UGGT1: variants seen among roughly 807,000 people sequenced by gnomAD.
UGGT1 encodes UDP-glucose:glycoprotein glucosyltransferase 1.
Under a neutral mutation model 203.9 loss-of-function variants are expected in UGGT1, and 107 were observed. The observed-to-expected ratio is 0.52, with a 90% CI of 0.45 to 0.62. The LOEUF is 0.62. Among genes scored for constraint, UGGT1 ranks in the 20% least tolerant of loss-of-function variants. The pLI is 0.00. For missense variants in UGGT1, 1,673 were observed against 1,867.2 expected (o/e 0.90, Z 1.92); for synonymous variants, 628 against 653.5 (o/e 0.96, Z 0.59).
At chr2:128,115,333 C>G (rs1688049044) in intron 7 of UGGT1, 113 bp downstream of exon 7, 1 of 929,202 alleles carries the variant, frequency 1.1e-6, no homozygotes, top group African/African-American at 1.6e-5. Flanking sequence ...GTGTTTGCAT[C>G]CTGGTTCTGT....
chr2:128,119,487 T>C (rs76673927), intron 8 of UGGT1, among the ~76,000 whole-genome samples: 2 of 152,104 alleles, frequency 1.3e-5, no homozygotes, highest in East Asian at 3.9e-4. Context: ...AAAAAAGTAA[T>C]GTACTAGCCG....
chr2:128,139,929 A>G (rs147736972), intron 16 of UGGT1: 2,558 of 153,788 alleles, frequency 0.017, 30 homozygotes, highest in Non-Finnish European at 0.027. Flanking sequence ...GTGTGCCACC[A>G]TGGAGAAGAG....
At chr2:128,168,703 G>A (rs1256721625) in intron 26 of UGGT1, among the ~76,000 whole-genome samples, 5 of 152,172 alleles carry the variant, frequency 3.3e-5, no homozygotes, top group Non-Finnish European at 7.3e-5. Flanking sequence ...TCACCAGTCT[G>A]TGTGACTTCA....
chr2:128,101,150 G>A (rs1040675583), intron 2 of UGGT1, among the ~76,000 whole-genome samples: 1 of 152,156 alleles, frequency 6.6e-6, no homozygotes, highest in African/African-American at 2.4e-5. Context: ...ATAGAAATGA[G>A]CTATGCTTAT....
rs1688460557 is a variant in UGGT1 at position 128,123,189 on chromosome 2, A to C, written c.1077A>C (p.Ala359=). Reference sequence around the variant, plus strand: ...CATAATGTTTTTATTTCCTTAGAGCAATAACAAAAACAGCTGTGAGCTCAG... The same window carrying C: ...CATAATGTTTTTATTTCCTTAGAGCCATAACAAAAACAGCTGTGAGCTCAG... ...LSQNFPTKAR[A]ITKTAVSSEL... is the part of the protein sequence containing the mutation. The change falls in exon 11 of 41, where the codon GCA becomes GCC. Residue 359 remains alanine, a synonymous_variant. Coordinates refer to ENST00000259253, the MANE Select transcript of UGGT1 (RefSeq NM_020120.4). The C allele has an allele frequency of 6.2e-7, 1 of 1,613,124 alleles. No homozygotes were observed. The highest frequency in any genetic ancestry group is 8.5e-7 in the Non-Finnish European group (1 of 1,179,504).
Position 128,133,261 on chromosome 2 carries a change from G to GT in UGGT1, c.1497+2dup. ...GATCAGGAAAAACTTACATAATATG[G>GT]TAAGTAAAACTTATTGTCTGGCTGT... On this transcript the variant is annotated splice_donor_variant, in intron 14 of 40. Transcript: ENST00000259253. LOFTEE classifies it high-confidence loss of function. 1 of 1,612,732 alleles carries GT rather than the reference G, an allele frequency of 6.2e-7. No individual in the cohort carries two copies. The highest frequency in any genetic ancestry group is 8.5e-7 in the Non-Finnish European group (1 of 1,179,392).
At chr2:128,178,403 CT>C (rs1691506989) in intron 33 of UGGT1, 64 bp from the exon 34 acceptor site, 1 of 1,369,718 alleles carries the variant, frequency 7.3e-7, no homozygotes, top group South Asian at 1.3e-5. Context: ...TTTCCTCTTA[CT>C]TTCAAAGGCC....
At chr2:128,142,139 T>A (rs959104259) in intron 16 of UGGT1, among the ~76,000 whole-genome samples, 1 of 151,880 alleles carries the variant, frequency 6.6e-6, no homozygotes, top group Non-Finnish European at 1.5e-5. Flanking sequence ...TTTCAGCATG[T>A]TGGCCAGGCT....
intron 25 of UGGT1, among the ~76,000 whole-genome samples, chr2:128,164,047 T>G (rs1690659980): frequency 6.6e-6 from 1 of 152,078 alleles, no homozygotes; most frequent in South Asian, 2.1e-4. Context: ...GGCCTGGTGC[T>G]GCATGCCTGT....
chr2:128,130,761 C>T (rs1427693752), intron 13 of UGGT1, among the ~76,000 whole-genome samples: 1 of 152,008 alleles, frequency 6.6e-6, no homozygotes, highest in Non-Finnish European at 1.5e-5. Context: ...CTTATTTTAT[C>T]CTTTTATTTT....
chr2:128,116,586 G>A (rs532433055), intron 8 of UGGT1, among the ~76,000 whole-genome samples: 53 of 151,970 alleles, frequency 3.5e-4, no homozygotes, highest in South Asian at 2.1e-4. Flanking sequence ...GTGCAGTGGC[G>A]TGATCTCGAC....
chr2:128,106,449 G>C (rs995322421), intron 3 of UGGT1, among the ~76,000 whole-genome samples: 5 of 152,106 alleles, frequency 3.3e-5, no homozygotes, highest in Non-Finnish European at 7.4e-5. Context: ...GCATCATTTT[G>C]AGATATTTCT....
intron 25 of UGGT1, 71 bp downstream of exon 25, chr2:128,161,339 T>A (rs746351074): frequency 6.4e-7 from 1 of 1,556,744 alleles, no homozygotes; most frequent in Admixed American, 1.8e-5. Context: ...GTTAGAATTA[T>A]ATGTTGTTAC....
chr2:128,147,622 T>G (rs1407442074), intron 18 of UGGT1, among the ~76,000 whole-genome samples: 2 of 151,916 alleles, frequency 1.3e-5, no homozygotes, highest in Non-Finnish European at 2.9e-5. Context: ...TTTTTTTTTT[T>G]GTTTCTGATA....
At chr2:128,097,637 T>A (rs1193176024) in intron 2 of UGGT1, 73 bp downstream of exon 2, 4 of 1,558,992 alleles carry the variant, frequency 2.6e-6, no homozygotes, top group Admixed American at 3.7e-5. Flanking sequence ...ATTCAGGAGC[T>A]TTTTAAGGAG....
At chr2:128,136,415 C>G (rs1689131384) in intron 15 of UGGT1, among the ~76,000 whole-genome samples, 1 of 145,316 alleles carries the variant, frequency 6.9e-6, no homozygotes, top group South Asian at 2.3e-4. Context: ...GATCTTTTTA[C>G]TGTCTTCATA....
At chr2:128,177,611 T>C (rs989015363) in intron 32 of UGGT1, among the ~76,000 whole-genome samples, 2 of 152,170 alleles carry the variant, frequency 1.3e-5, no homozygotes, top group African/African-American at 2.4e-5. Flanking sequence ...TTCATCTAAT[T>C]AAAAGAGGTT....
At chr2:128,132,060 G>A (rs1688905677) in intron 13 of UGGT1, among the ~76,000 whole-genome samples, 1 of 151,944 alleles carries the variant, frequency 6.6e-6, no homozygotes, top group South Asian at 2.1e-4. Flanking sequence ...CCTATTCTTG[G>A]TCTTGACAAA....
intron 13 of UGGT1, among the ~76,000 whole-genome samples, chr2:128,129,927 A>G (rs912249300): frequency 1.5e-4 from 23 of 152,138 alleles, no homozygotes. Context: ...TGCCTGCCAT[A>G]TGATCTTTCT....
Sources: allele counts gnomAD v4.1 joint callset (sites outside exome capture counted in the v4.1 genomes callset), GRCh38; gene constraint gnomAD v4.1.1; transcripts MANE v1.5; gene names NCBI Gene and HGNC (gene_info 2026-07-23, HGNC 2026-07-21).